Variants in VPS13B observed in about 807,000 individuals in gnomAD.
VPS13B encodes intermembrane lipid transfer protein VPS13B.
Under a neutral mutation model 426.4 loss-of-function variants are expected in VPS13B, and 285 were observed. That is an observed-to-expected ratio of 0.67 (90% CI 0.61 to 0.74). VPS13B has a LOEUF of 0.74. Ranked by LOEUF, VPS13B falls within the 30% of genes least tolerant of loss-of-function variation. The pLI, the probability that VPS13B is intolerant of heterozygous loss-of-function variation, is 0.00. For missense variants in VPS13B, 4,537 were observed against 4,782.6 expected, an observed-to-expected ratio of 0.95 and a Z score of 1.51; for synonymous variants, 1,676 against 1,676.4, an observed-to-expected ratio of 1.00 and a Z score of 0.01.
At chr8:99,544,398 G>A (rs959222753) in intron 30 of VPS13B, among the ~76,000 whole-genome samples, 25 of 151,990 alleles carry the variant, frequency 1.6e-4, no homozygotes, top group African/African-American at 9.7e-5. Context: ...CACCAGCATG[G>A]CACATGTATA....
At chr8:99,368,321 C>G (rs1031573238) in intron 19 of VPS13B, among the ~76,000 whole-genome samples, 3 of 152,096 alleles carry the variant, frequency 2.0e-5, no homozygotes, top group Admixed American at 1.3e-4. Flanking sequence ...CTCTGGGAGT[C>G]CCCCCTACCC....
chr8:99,461,078 T>A lies in VPS13B; in HGVS notation c.3446-6336T>A, dbSNP rs563269886. ...CAGTTTATTTTTGGAAAGAGGATTTTAAAAAACCTCCTTATTTGGCCATAA... is the reference window on the plus strand; with the variant it reads ...CAGTTTATTTTTGGAAAGAGGATTTAAAAAAACCTCCTTATTTGGCCATAA... On this transcript the variant is annotated intron_variant, in intron 23 of 61. Coordinates refer to ENST00000357162, the MANE Select transcript of VPS13B (RefSeq NM_152564.5). Among the ~76,000 whole-genome samples, 237 of 152,290 alleles carry A rather than the reference T, an allele frequency of 1.6e-3. 1 individual carries two copies. The highest frequency in any genetic ancestry group is 2.3e-3 in the Non-Finnish European group (157 of 68,002).
intron 19 of VPS13B, among the ~76,000 whole-genome samples, chr8:99,354,648 T>A (rs1450521561): frequency 6.6e-6 from 1 of 152,206 alleles, no homozygotes; most frequent in Admixed American, 6.5e-5. Context: ...TTTAGCTGCC[T>A]CTATTCAGAA....
intron 33 of VPS13B, among the ~76,000 whole-genome samples, chr8:99,597,881 A>G (rs1827097308): frequency 6.6e-6 from 1 of 152,072 alleles, no homozygotes; most frequent in South Asian, 2.1e-4. Context: ...CAGGGAAAAT[A>G]CTGAGCACAC....
intron 39 of VPS13B, among the ~76,000 whole-genome samples, chr8:99,741,964 T>C (rs2130479591): frequency 6.6e-6 from 1 of 151,902 alleles, no homozygotes; most frequent in African/African-American, 2.4e-5. Context: ...AGGCAAGAAA[T>C]AACTAAGATC....
At chr8:99,353,924 T>C (rs183527655) in intron 19 of VPS13B, among the ~76,000 whole-genome samples, 1 of 152,290 alleles carries the variant, frequency 6.6e-6, no homozygotes. Flanking sequence ...TTGCATTCTA[T>C]AAAGCTTTAT....
intron 15 of VPS13B, among the ~76,000 whole-genome samples, chr8:99,167,000 GA>G (rs1812043478): frequency 6.6e-6 from 1 of 152,172 alleles, no homozygotes; most frequent in African/African-American, 2.4e-5. Context: ...AGGAAGGAAG[GA>G]AGATCGGGTG....
chr8:99,781,154 A>G (rs1812001628), intron 42 of VPS13B, among the ~76,000 whole-genome samples: 1 of 152,162 alleles, frequency 6.6e-6, no homozygotes, highest in Non-Finnish European at 1.5e-5. Flanking sequence ...GATTAACAGA[A>G]GCCTTCATCA....
chr8:99,862,070 C>T (rs997250702), intron 58 of VPS13B, 124 bp downstream of exon 58: 6 of 1,213,494 alleles, frequency 4.9e-6, no homozygotes, highest in Non-Finnish European at 6.8e-6. Flanking sequence ...GAAGGTAAGG[C>T]ACTTGCTCTG....
At chr8:99,082,452 A>G (rs1322109770) in intron 3 of VPS13B, among the ~76,000 whole-genome samples, 2 of 152,126 alleles carry the variant, frequency 1.3e-5, no homozygotes, top group African/African-American at 4.8e-5. Context: ...GCTGTGCAGA[A>G]GCTCTTTAGT....
At position 99,213,244 on chromosome 8, in the gene VPS13B, A is replaced by G. The variant is rs1159710712; in HGVS notation, c.2515+20187A>G. The stretch of plus-strand genomic sequence containing the variant: ...TGCTGTAATAGTTCATATTGTTAAT[A>G]CACATCTTAAGAAGTTTCCATTTGT... On this transcript the variant is annotated intron_variant, in intron 17 of 61. Transcript: ENST00000357162. 2.0e-5 allele frequency among the ~76,000 whole-genome samples: 3 copies of G among 152,192 alleles called. No individual in the cohort carries two copies. The East Asian group carries it at 5.8e-4, about 29-fold the overall frequency.
intron 29 of VPS13B, among the ~76,000 whole-genome samples, chr8:99,518,581 C>T (rs888373208): frequency 6.6e-6 from 1 of 152,026 alleles, no homozygotes; most frequent in Admixed American, 6.6e-5. Flanking sequence ...TCCCACCTTC[C>T]TACTATTTTG....
At chr8:99,684,866 C>G (rs1034316755) in intron 35 of VPS13B, among the ~76,000 whole-genome samples, 1 of 152,288 alleles carries the variant, frequency 6.6e-6, no homozygotes, top group South Asian at 2.1e-4. Context: ...TGCAGTGGCA[C>G]GATCTTGGCT....
intron 17 of VPS13B, among the ~76,000 whole-genome samples, chr8:99,201,186 T>G (rs187624544): frequency 6.6e-6 from 1 of 152,126 alleles, no homozygotes; most frequent in Non-Finnish European, 1.5e-5. Context: ...ATGTTTCACT[T>G]TTACTACCAC....
intron 3 of VPS13B, among the ~76,000 whole-genome samples, chr8:99,053,153 A>T: frequency 6.6e-6 from 1 of 150,762 alleles, no homozygotes. Context: ...TTTTATTTTT[A>T]GTATACTTTA....
intron 23 of VPS13B, among the ~76,000 whole-genome samples, chr8:99,451,438 C>T (rs753802219): frequency 5.9e-5 from 9 of 152,164 alleles, no homozygotes; most frequent in African/African-American, 1.2e-4. Context: ...TGATATCTTA[C>T]AAGCTATTGG....
At chr8:99,665,508 A>G (rs1429068613) in intron 35 of VPS13B, among the ~76,000 whole-genome samples, 2 of 152,190 alleles carry the variant, frequency 1.3e-5, no homozygotes, top group East Asian at 1.9e-4. Context: ...AGGTGTAAGG[A>G]AGGGATTGAG....
intron 4 of VPS13B, among the ~76,000 whole-genome samples, chr8:99,099,083 C>T (rs939157178): frequency 6.6e-6 from 1 of 152,034 alleles, no homozygotes; most frequent in African/African-American, 2.4e-5. Flanking sequence ...CACCAACTCA[C>T]ATCGGTTTTT....
intron 30 of VPS13B, among the ~76,000 whole-genome samples, chr8:99,540,194 C>T (rs1335809303): frequency 1.4e-5 from 2 of 146,356 alleles, no homozygotes; most frequent in Non-Finnish European, 3.0e-5. Flanking sequence ...ATTCTCCTGC[C>T]TCAGCCTCCC....
Sources: gnomAD v4.1 joint callset for allele counts (sites outside exome capture counted in the v4.1 genomes callset) on GRCh38, gnomAD v4.1.1 for gene constraint, MANE v1.5 for transcripts, NCBI Gene and HGNC (gene_info 2026-07-23, HGNC 2026-07-21) for gene names.